The following TEAD1 variants were observed in gnomAD, a reference collection of about 807,000 sequenced individuals.
TEAD1 encodes TEA domain transcription factor 1.
A neutral mutation model predicts 54.9 loss-of-function variants in TEAD1; 9 were observed. That is an observed-to-expected ratio of 0.16 (90% CI 0.10 to 0.29). TEAD1 has a LOEUF of 0.29. Among genes scored for constraint, TEAD1 ranks in the 10% least tolerant of loss-of-function variants. The pLI, the probability that TEAD1 is intolerant of heterozygous loss-of-function variation, is 1.00. For synonymous variants in TEAD1, 200 were observed against 187.8 expected, an observed-to-expected ratio of 1.07 and a Z score of -0.53; for missense variants, 387 against 535.9, an observed-to-expected ratio of 0.72 and a Z score of 2.74.
At chr11:12,909,367 C>CT (rs2134139060) in intron 10 of TEAD1, among the ~76,000 whole-genome samples, 1 of 152,256 alleles carries the variant, frequency 6.6e-6, no homozygotes, top group East Asian at 1.9e-4. Flanking sequence ...AGATCATGTC[C>CT]TTTGCAGGGA....
At chr11:12,699,307 AT>A (rs1357153274) in intron 2 of TEAD1, among the ~76,000 whole-genome samples, 1 of 151,550 alleles carries the variant, frequency 6.6e-6, no homozygotes, top group African/African-American at 2.4e-5. Context: ...TCTTTTAAAG[AT>A]TTTTTTTTCC....
intron 3 of TEAD1, among the ~76,000 whole-genome samples, chr11:12,834,287 A>G (rs1946839241): frequency 6.6e-6 from 1 of 152,248 alleles, no homozygotes; most frequent in Admixed American, 6.5e-5. Context: ...TTTTTAAATC[A>G]TTTGTCACAT....
intron 10 of TEAD1, chr11:12,921,366 G>T (rs370351892): frequency 6.6e-6 from 1 of 151,764 alleles, no homozygotes; most frequent in African/African-American, 2.4e-5. Flanking sequence ...GAGAAACCTC[G>T]TCTCTACCAA....
intron 2 of TEAD1, among the ~76,000 whole-genome samples, chr11:12,749,390 A>G (rs1183362237): frequency 6.6e-6 from 1 of 152,200 alleles, no homozygotes; most frequent in African/African-American, 2.4e-5. Flanking sequence ...TTGGAAGGAA[A>G]TATATTCCCC....
chr11:12,712,877 G>A (rs1483608757), intron 2 of TEAD1, among the ~76,000 whole-genome samples: 1 of 152,134 alleles, frequency 6.6e-6, no homozygotes, highest in African/African-American at 2.4e-5. Context: ...TAGTACTTGG[G>A]CCTGAATTGA....
chr11:12,877,076 C>G (rs925592747), intron 5 of TEAD1, among the ~76,000 whole-genome samples: 7 of 152,146 alleles, frequency 4.6e-5, no homozygotes, highest in African/African-American at 1.7e-4. Flanking sequence ...GTTGAGGAAG[C>G]TAGCTTTAGG....
At chr11:12,711,353 A>G (rs930157511) in intron 2 of TEAD1, among the ~76,000 whole-genome samples, 2 of 152,228 alleles carry the variant, frequency 1.3e-5, no homozygotes, top group Admixed American at 1.3e-4. Flanking sequence ...ATATTTGTTC[A>G]TTTAAATCCA....
At chr11:12,739,418 A>T (rs1032244500) in intron 2 of TEAD1, among the ~76,000 whole-genome samples, 1 of 152,160 alleles carries the variant, frequency 6.6e-6, no homozygotes, top group African/African-American at 2.4e-5. Context: ...AAAACTGAAA[A>T]TGTCTATTAA....
intron 3 of TEAD1, among the ~76,000 whole-genome samples, chr11:12,772,567 A>G (rs1406410301): frequency 1.3e-5 from 2 of 152,230 alleles, no homozygotes; most frequent in African/African-American, 4.8e-5. Flanking sequence ...GGATGATTAA[A>G]AGAACTACTC....
At chr11:12,811,571 A>G (rs1287461934) in intron 3 of TEAD1, among the ~76,000 whole-genome samples, 1 of 152,160 alleles carries the variant, frequency 6.6e-6, no homozygotes, top group Non-Finnish European at 1.5e-5. Flanking sequence ...AGCATCTGGG[A>G]AGCCAGGGAT....
chr11:12,856,130 CT>C (rs60226571), intron 3 of TEAD1, among the ~76,000 whole-genome samples: 5,250 of 140,796 alleles, frequency 0.037, 314 homozygotes, highest in African/African-American at 0.13. Context: ...TATCTTCTTC[CT>C]TTTTTTTTTT....
intron 4 of TEAD1, among the ~76,000 whole-genome samples, chr11:12,864,322 C>T (rs1947569376): frequency 6.6e-6 from 1 of 152,166 alleles, no homozygotes; most frequent in South Asian, 2.1e-4. Flanking sequence ...TACCTTTACT[C>T]CCACCTTTTT....
chr11:12,695,312 T>G (rs1393211250), intron 2 of TEAD1, among the ~76,000 whole-genome samples: 5 of 152,228 alleles, frequency 3.3e-5, no homozygotes, highest in African/African-American at 1.2e-4. Context: ...TTAGGTGAGT[T>G]TCTTTGGAAA....
At chr11:12,836,347 C>G (rs1278803996) in intron 3 of TEAD1, among the ~76,000 whole-genome samples, 2 of 150,030 alleles carry the variant, frequency 1.3e-5, no homozygotes, top group African/African-American at 2.5e-5. Context: ...GTGAACCGGG[C>G]AGGCGGAGCT....
chr11:12,864,338 T>G (rs1225731232), intron 4 of TEAD1, among the ~76,000 whole-genome samples: 1 of 152,204 alleles, frequency 6.6e-6, no homozygotes, highest in Non-Finnish European at 1.5e-5. Context: ...TTTTTAATTT[T>G]AGAATGAAAA....
At chr11:12,711,962 T>G (rs1484805833) in intron 2 of TEAD1, among the ~76,000 whole-genome samples, 1 of 152,184 alleles carries the variant, frequency 6.6e-6, no homozygotes, top group East Asian at 1.9e-4. Flanking sequence ...TGCCTCTCTC[T>G]TCTCTACTCC....
intron 3 of TEAD1, among the ~76,000 whole-genome samples, chr11:12,782,382 A>T (rs937415348): frequency 3.9e-5 from 6 of 152,222 alleles, no homozygotes; most frequent in Non-Finnish European, 5.9e-5. Flanking sequence ...GATTCCATTT[A>T]TACATGGAAT....
intron 3 of TEAD1, among the ~76,000 whole-genome samples, chr11:12,854,543 G>A (rs899844243): frequency 6.6e-6 from 1 of 152,096 alleles, no homozygotes; most frequent in African/African-American, 2.4e-5. Flanking sequence ...ATGGGTTGGA[G>A]TTCTTCCAAA....
At chr11:12,858,651 C>T (rs1947439606) in intron 3 of TEAD1, among the ~76,000 whole-genome samples, 1 of 152,082 alleles carries the variant, frequency 6.6e-6, no homozygotes, top group Non-Finnish European at 1.5e-5. Flanking sequence ...AAAGAAAGAA[C>T]ATGGGTTTTT....
Sources: gnomAD v4.1 joint callset for allele counts (sites outside exome capture counted in the v4.1 genomes callset) on GRCh38, gnomAD v4.1.1 for gene constraint, MANE v1.5 for transcripts, NCBI Gene and HGNC (gene_info 2026-07-23, HGNC 2026-07-21) for gene names.